Variants in ZNF91 observed in about 807,000 individuals in gnomAD.
ZNF91 encodes zinc finger protein 91 (HPF7, HTF10).
In ZNF91, 7 loss-of-function variants were observed where a neutral mutation model predicts 12.6. The observed-to-expected ratio is 0.55, with a 90% CI of 0.31 to 1.04. ZNF91 has a LOEUF of 1.04. Ranked by LOEUF, ZNF91 falls within the 50% of genes least tolerant of loss-of-function variation. The probability of loss-of-function intolerance (pLI) is 0.05; values close to 1 mark genes in which losing one functional copy is unlikely to be tolerated. For missense variants in ZNF91, 1,217 were observed against 1,385.4 expected (o/e 0.88, Z 1.93); for synonymous variants, 453 against 462.6 (o/e 0.98, Z 0.27).
chr19:23,363,629 CTCAA>C (rs1385714804), intron 3 of ZNF91, among the ~76,000 whole-genome samples: 2 of 152,066 alleles, frequency 1.3e-5, no homozygotes, highest in Non-Finnish European at 2.9e-5. Context: ...ATGTCCAAAT[CTCAA>C]TCAAAGATTA....
intron 3 of ZNF91, among the ~76,000 whole-genome samples, chr19:23,366,350 T>C (rs1197837808): frequency 2.0e-5 from 3 of 152,246 alleles, no homozygotes; most frequent in African/African-American, 7.2e-5. Flanking sequence ...AAAGATCTTC[T>C]ATAGAATATT....
At chr19:23,391,031 G>C (rs528428738) in intron 1 of ZNF91, among the ~76,000 whole-genome samples, 19 of 152,302 alleles carry the variant, frequency 1.2e-4, no homozygotes, top group African/African-American at 4.6e-4. Context: ...CCAGTGATGG[G>C]GTTGCTTGGT....
intron 1 of ZNF91, chr19:23,323,926 CCTCCTTCTCTT>C (rs1023070312): frequency 6.7e-6 from 1 of 149,684 alleles, no homozygotes; most frequent in African/African-American, 2.5e-5. Flanking sequence ...CTTTTCTCCT[CCTCCTTCTCTT>C]CTCCTTTCCT....
At chr19:23,368,871 TAAA>T (rs147574853) in intron 3 of ZNF91, among the ~76,000 whole-genome samples, 2 of 151,596 alleles carry the variant, frequency 1.3e-5, no homozygotes, top group East Asian at 1.9e-4. Flanking sequence ...AAAACACAAA[TAAA>T]AAAACATTTG....
upstream of ZNF91, among the ~76,000 whole-genome samples, chr19:23,311,646 G>A (rs1967473609): frequency 6.6e-6 from 1 of 152,168 alleles, no homozygotes; most frequent in East Asian, 1.9e-4. Flanking sequence ...CTATCATTTA[G>A]GAAATGTGAC....
rs752423074 is a variant in ZNF91 at position 23,362,294 on chromosome 19, T to C, written c.685A>G (p.Lys229Glu). ...GGTTTATCTTCAGTATGAATTTCCT[T>C]ATGATTAGTAAGGGTTGAGGACCAA... is the stretch of plus-strand genomic sequence containing the variant. ...FHWSSTLTNH[K>E]EIHTEDKPYK... is the part of the protein sequence containing the mutation. The change falls in exon 4 of 4, where the codon AAG (lysine) becomes GAG (glutamate). Residue 229 changes from lysine to glutamate, a missense_variant. By Grantham distance (56) the Lys-to-Glu change is moderately conservative. Coordinates refer to ENST00000300619, the MANE Select transcript of ZNF91 (RefSeq NM_003430.4). The C allele has an allele frequency of 2.5e-6, 4 of 1,614,032 alleles. No homozygotes were observed. The highest frequency in any genetic ancestry group is 3.3e-4 in the Middle Eastern group (2 of 6,060).
intron 1 of ZNF91, chr19:23,324,760 CGG>C (rs1192902079): frequency 6.6e-6 from 1 of 151,990 alleles, no homozygotes; most frequent in Non-Finnish European, 1.5e-5. Context: ...TTTTTAGTGA[CGG>C]GGTCTCAACA....
chr19:23,374,161 A>C (rs1378695075), intron 2 of ZNF91, among the ~76,000 whole-genome samples: 1 of 152,144 alleles, frequency 6.6e-6, no homozygotes, highest in African/African-American at 2.4e-5. Flanking sequence ...TGGAAAGTTC[A>C]GGTCAAGATG....
intron 1 of ZNF91, among the ~76,000 whole-genome samples, chr19:23,393,419 A>T (rs1970134372): frequency 6.6e-6 from 1 of 152,164 alleles, no homozygotes; most frequent in Non-Finnish European, 1.5e-5. Flanking sequence ...TAGCACACAT[A>T]GCCATGGTGG....
In ZNF91 at chr19:23,361,809, G is replaced by A; in HGVS notation, c.1170C>T (p.Leu390=). The A allele has an allele frequency of 6.2e-7, 1 of 1,608,590 alleles. No homozygotes were observed. Among genetic ancestry groups the A allele is most frequent in the Non-Finnish European group, 8.5e-7 (1 of 1,176,268 alleles). The change falls in exon 4 of 4, where the codon CTC becomes CTT. Residue 390 remains leucine, a synonymous_variant. Coordinates refer to ENST00000300619, the MANE Select transcript of ZNF91 (RefSeq NM_003430.4). Reference sequence around the variant, plus strand: ...TTATTTTATGTTTAGTAAGGGTTGAGAGTCGCTTAAAAGCTTTGTCACATT... The same window carrying A: ...TTATTTTATGTTTAGTAAGGGTTGAAAGTCGCTTAAAAGCTTTGTCACATT... ...CKECDKAFKR[L]STLTKHKIIH...
downstream of ZNF91, among the ~76,000 whole-genome samples, chr19:23,353,815 C>G (rs1036732331): frequency 2.8e-4 from 43 of 152,094 alleles, no homozygotes; most frequent in African/African-American, 9.9e-4. Flanking sequence ...CTACTATGAA[C>G]ACCTTTACAC....
At chr19:23,331,175 A>C (rs1295797259) in intron 1 of ZNF91, among the ~76,000 whole-genome samples, 1 of 152,166 alleles carries the variant, frequency 6.6e-6, no homozygotes, top group Non-Finnish European at 1.5e-5. Flanking sequence ...GCTTTGGGGT[A>C]TGGGCATGTC....
chr19:23,375,404 C>T (rs1323238051), intron 1 of ZNF91, among the ~76,000 whole-genome samples: 1 of 152,144 alleles, frequency 6.6e-6, no homozygotes, highest in Non-Finnish European at 1.5e-5. Context: ...CGTGATCCTC[C>T]CGCCTCGGCC....
chr19:23,333,907 G>C (rs1967963731), downstream of ZNF91, among the ~76,000 whole-genome samples: 3 of 152,140 alleles, frequency 2.0e-5, no homozygotes, highest in Non-Finnish European at 2.9e-5. Context: ...CTTTCAGCAA[G>C]CTTGGATTGG....
chr19:23,389,402 C>CAAA (rs34173990), intron 1 of ZNF91, among the ~76,000 whole-genome samples: 6 of 111,860 alleles, frequency 5.4e-5, no homozygotes, highest in African/African-American at 8.4e-5. Flanking sequence ...AAGTTTTTGG[C>CAAA]AAAAAAAAAA....
upstream of ZNF91, among the ~76,000 whole-genome samples, chr19:23,314,290 C>T (rs905361793): frequency 6.6e-6 from 1 of 152,148 alleles, no homozygotes. Flanking sequence ...TATTTGCCAA[C>T]AGGTGACATT....
At chr19:23,321,782 A>G (rs1013860395) in intron 1 of ZNF91, among the ~76,000 whole-genome samples, 7 of 151,942 alleles carry the variant, frequency 4.6e-5, no homozygotes, top group African/African-American at 1.7e-4. Context: ...TATAGAAGAG[A>G]TTGTTACATA....
intron 1 of ZNF91, among the ~76,000 whole-genome samples, chr19:23,387,622 A>G (rs1480825730): frequency 6.6e-6 from 1 of 152,158 alleles, no homozygotes; most frequent in Non-Finnish European, 1.5e-5. Flanking sequence ...CTGTGGCCCC[A>G]GCTACTTGGA....
chr19:23,324,072 C>T lies in ZNF91; in HGVS notation n.117-14975G>A, dbSNP rs295421. 0.012 allele frequency: 1,737 copies of T among 149,352 alleles called. 142 individuals carry two copies. In the East Asian group the frequency reaches 0.23, roughly 20 times the overall value. The allele number at this position is 149,352 out of a possible 1,614,324, so 9.3% of individuals were successfully genotyped here. ...CTCCTTGTCCATCTCCTCTACTCCT[C>T]CTTCTCCTCCTCCTCCTTCTCTTCC... is the stretch of plus-strand genomic sequence containing the variant. On this transcript the variant is annotated intron_variant and non_coding_transcript_variant, in intron 1 of 1. Transcript: ENST00000596528.
Sources: allele counts gnomAD v4.1 joint callset (sites outside exome capture counted in the v4.1 genomes callset), GRCh38; gene constraint gnomAD v4.1.1; transcripts MANE v1.5; gene names NCBI Gene and HGNC (gene_info 2026-07-23, HGNC 2026-07-21).